The following FAM149B1 variants were observed in gnomAD, a reference collection of about 807,000 sequenced individuals.
The protein encoded by FAM149B1 is primary cilium assembly protein FAM149B1.
FAM149B1 carries 56 observed loss-of-function variants against 75.3 expected under a neutral mutation model. The observed-to-expected ratio is 0.74, with a 90% CI of 0.60 to 0.93. FAM149B1 has a LOEUF of 0.93. Ranked by LOEUF, FAM149B1 falls within the 40% of genes least tolerant of loss-of-function variation. The pLI is 0.00. For missense variants in FAM149B1, 639 were observed against 708.4 expected (o/e 0.90, Z 1.11); for synonymous variants, 259 against 256.1 (o/e 1.01, Z -0.11).
chr10:73,236,436 C>T (rs1251551508), intron 12 of FAM149B1, among the ~76,000 whole-genome samples: 1 of 139,820 alleles, frequency 7.2e-6, no homozygotes, highest in African/African-American at 2.7e-5. Context: ...TTTTTTGAGA[C>T]GGAGTCTCGC....
At chr10:73,221,282 T>G (rs763837527) in intron 7 of FAM149B1, among the ~76,000 whole-genome samples, 6 of 152,226 alleles carry the variant, frequency 3.9e-5, no homozygotes, top group Non-Finnish European at 7.4e-5. Flanking sequence ...ATGAATCTTA[T>G]TTTTAAAAAA....
intron 5 of FAM149B1, among the ~76,000 whole-genome samples, chr10:73,205,841 C>T (rs950040600): frequency 1.3e-5 from 2 of 152,096 alleles, no homozygotes; most frequent in African/African-American, 4.8e-5. Flanking sequence ...TGTGAGCCAC[C>T]GCACCTGGCT....
intron 12 of FAM149B1, chr10:73,235,621 G>A (rs1030446517): frequency 2.7e-6 from 1 of 366,408 alleles, no homozygotes; most frequent in Non-Finnish European, 4.6e-6. Context: ...ACTTTATTAT[G>A]TAATCCTGTT....
chr10:73,239,488 G>T, intron 13 of FAM149B1, 104 bp downstream of exon 13: 1 of 825,778 alleles, frequency 1.2e-6, no homozygotes, highest in East Asian at 2.8e-5. Context: ...AGATTTTCTT[G>T]GATTTAATGT....
chr10:73,193,796 T>C (rs1015282570), intron 5 of FAM149B1, among the ~76,000 whole-genome samples: 1 of 152,200 alleles, frequency 6.6e-6, no homozygotes, highest in African/African-American at 2.4e-5. Flanking sequence ...ACCTTTCCTG[T>C]AGTGGATTAG....
intron 3 of FAM149B1, 59 bp from the exon 4 acceptor site, chr10:73,192,497 A>AT: frequency 6.7e-7 from 1 of 1,489,838 alleles, no homozygotes; most frequent in Non-Finnish European, 9.1e-7. Flanking sequence ...AATCTTTATA[A>AT]TTTTTAACAG....
chr10:73,184,556 A>G (rs930981247), intron 3 of FAM149B1, among the ~76,000 whole-genome samples: 1 of 152,236 alleles, frequency 6.6e-6, no homozygotes, highest in Admixed American at 6.5e-5. Flanking sequence ...AACTATAAAA[A>G]GATTTAAATT....
At chr10:73,192,496 A>T (rs1478209159) in intron 3 of FAM149B1, 60 bp from the exon 4 acceptor site, 1 of 1,481,232 alleles carries the variant, frequency 6.8e-7, no homozygotes, top group African/African-American at 1.4e-5. Context: ...TAATCTTTAT[A>T]ATTTTTAACA....
intron 12 of FAM149B1, among the ~76,000 whole-genome samples, chr10:73,237,866 G>C (rs1421603092): frequency 1.3e-5 from 2 of 152,170 alleles, no homozygotes; most frequent in Non-Finnish European, 2.9e-5. Flanking sequence ...TGGGATTACA[G>C]GTGTGCACCT....
chr10:73,218,655 T>C (rs1031443054), intron 7 of FAM149B1, among the ~76,000 whole-genome samples: 1 of 152,162 alleles, frequency 6.6e-6, no homozygotes. Flanking sequence ...ACCCTTAATC[T>C]CTTGAGAGAA....
chr10:73,185,079 A>T (rs1405781921), intron 3 of FAM149B1, among the ~76,000 whole-genome samples: 3 of 152,236 alleles, frequency 2.0e-5, no homozygotes, highest in African/African-American at 7.2e-5. Context: ...GTACTCTGAG[A>T]ATTCAGTAAA....
intron 8 of FAM149B1, among the ~76,000 whole-genome samples, chr10:73,230,029 T>G (rs2043647385): frequency 6.6e-6 from 1 of 152,180 alleles, no homozygotes; most frequent in Non-Finnish European, 1.5e-5. Flanking sequence ...AGTGCAGGAT[T>G]GTGTGATGAT....
At chr10:73,211,399 A>G (rs2133369821) in intron 7 of FAM149B1, among the ~76,000 whole-genome samples, 1 of 152,356 alleles carries the variant, frequency 6.6e-6, no homozygotes, top group South Asian at 2.1e-4. Flanking sequence ...GCATACAAAA[A>G]AAAACACCAC....
chr10:73,182,400 C>G (rs967778651), intron 3 of FAM149B1, among the ~76,000 whole-genome samples: 2 of 151,904 alleles, frequency 1.3e-5, no homozygotes, highest in African/African-American at 4.8e-5. Flanking sequence ...TTAGTAGAGA[C>G]GGGGTTCTGC....
intron 7 of FAM149B1, among the ~76,000 whole-genome samples, chr10:73,212,927 T>A (rs551717188): frequency 1.3e-5 from 2 of 152,162 alleles, no homozygotes; most frequent in Admixed American, 1.3e-4. Flanking sequence ...ACTGCGGCCT[T>A]GACCTTCTGG....
intron 9 of FAM149B1, 143 bp downstream of exon 9, chr10:73,230,668 T>G (rs2133400358): frequency 1.7e-6 from 1 of 585,508 alleles, no homozygotes; most frequent in South Asian, 2.0e-5. Context: ...AGGGACATGG[T>G]CTCCACCATC....
At chr10:73,171,065 T>C (rs1318176840) in intron 1 of FAM149B1, among the ~76,000 whole-genome samples, 2 of 151,912 alleles carry the variant, frequency 1.3e-5, no homozygotes, top group African/African-American at 4.8e-5. Context: ...ACCTCCTAGG[T>C]TCAAGTGATT....
chr10:73,192,148 C>G (rs1324265509), intron 3 of FAM149B1: 2 of 162,612 alleles, frequency 1.2e-5, no homozygotes, highest in Non-Finnish European at 2.6e-5. Context: ...GATCCACCCA[C>G]CTTGGTCTCC....
At chr10:73,215,020 T>C (rs1186917666) in intron 7 of FAM149B1, among the ~76,000 whole-genome samples, 1 of 152,122 alleles carries the variant, frequency 6.6e-6, no homozygotes, top group Non-Finnish European at 1.5e-5. Flanking sequence ...TTTTCAGTTT[T>C]TGGTTTTTTT....
Sources: allele counts gnomAD v4.1 joint callset (sites outside exome capture counted in the v4.1 genomes callset), GRCh38; gene constraint gnomAD v4.1.1; transcripts MANE v1.5; gene names NCBI Gene and HGNC (gene_info 2026-07-23, HGNC 2026-07-21).